TENM2: variants seen among roughly 807,000 people sequenced by gnomAD.
TENM2 encodes teneurin-2.
TENM2 carries 52 observed loss-of-function variants against 245.2 expected under a neutral mutation model. The ratio of observed to expected loss-of-function variants is 0.21; its 90% confidence interval spans 0.17 to 0.27. The LOEUF is 0.27. TENM2 is among the 10% of genes least tolerant of loss of function. The pLI is 1.00. For synonymous variants in TENM2, 1,363 were observed against 1,438.9 expected (o/e 0.95, Z 1.19); for missense variants, 3,046 against 3,666.8 (o/e 0.83, Z 4.37).
intron 3 of TENM2, among the ~76,000 whole-genome samples, chr5:167,933,709 G>C (rs528398170): frequency 4.6e-5 from 7 of 151,844 alleles, no homozygotes; most frequent in African/African-American, 7.2e-5. Flanking sequence ...ACCAACTAGA[G>C]TGAGGAGCCA....
At position 167,977,198 on chromosome 5, in the gene TENM2, A is replaced by C. The variant is rs558829673; in HGVS notation, c.948-15746A>C. Among the ~76,000 whole-genome samples the C allele has an allele frequency of 1.7e-4, 26 of 152,266 alleles. No homozygotes were observed. The South Asian group carries it at 5.4e-3, about 32-fold the overall frequency. ...GGTGGAGGGTGGGAGAAGAGAGAGG[A>C]TCAGAAGAAAAAATTCCTATTGGGT... On this transcript the variant is annotated intron_variant, in intron 4 of 28. Coordinates refer to ENST00000518659, the Ensembl canonical transcript of TENM2.
the TENM2 span, among the ~76,000 whole-genome samples, chr5:167,036,378 T>C: frequency 6.6e-6 from 1 of 152,234 alleles, no homozygotes; most frequent in Non-Finnish European, 1.5e-5. Context: ...TTCTTGTTTA[T>C]TGTGCCTCAT....
chr5:167,325,846 G>T (rs973252360), intron 1 of TENM2, among the ~76,000 whole-genome samples: 2 of 152,308 alleles, frequency 1.3e-5, no homozygotes, highest in African/African-American at 2.4e-5. Context: ...ATAGTCTATA[G>T]TTGAGAGATC....
intron 2 of TENM2, among the ~76,000 whole-genome samples, chr5:167,426,273 C>T (rs990524269): frequency 6.6e-6 from 1 of 152,078 alleles, no homozygotes; most frequent in Non-Finnish European, 1.5e-5. Context: ...TTCAAATATG[C>T]GCACTTCTAT....
intron 2 of TENM2, among the ~76,000 whole-genome samples, chr5:167,730,575 T>C (rs1478557197): frequency 6.6e-6 from 1 of 152,168 alleles, no homozygotes; most frequent in Non-Finnish European, 1.5e-5. Context: ...TCCCTCCCAC[T>C]CTACTCCCCC....
intron 2 of TENM2, among the ~76,000 whole-genome samples, chr5:167,402,845 A>T (rs930753499): frequency 2.6e-5 from 4 of 152,186 alleles, no homozygotes; most frequent in African/African-American, 4.8e-5. Context: ...TGAGACATGC[A>T]GCCTTGTTGC....
intron 12 of TENM2, among the ~76,000 whole-genome samples, chr5:168,144,501 G>C (rs1293193469): frequency 6.6e-6 from 1 of 151,890 alleles, no homozygotes; most frequent in Non-Finnish European, 1.5e-5. Flanking sequence ...CCCTACAAAG[G>C]ACATGAACTC....
At chr5:167,720,398 G>A (rs1161376224) in intron 2 of TENM2, among the ~76,000 whole-genome samples, 2 of 152,288 alleles carry the variant, frequency 1.3e-5, no homozygotes, top group East Asian at 1.9e-4. Context: ...TGAAACCAAC[G>A]GATGTTCCAG....
At chr5:167,762,141 T>C (rs1345783211) in intron 2 of TENM2, among the ~76,000 whole-genome samples, 1 of 152,112 alleles carries the variant, frequency 6.6e-6, no homozygotes, top group Non-Finnish European at 1.5e-5. Context: ...CTCTCCTCTC[T>C]CTCTCTCTCA....
chr5:166,997,123 A>G, the TENM2 span, among the ~76,000 whole-genome samples: 4 of 152,348 alleles, frequency 2.6e-5, no homozygotes, highest in African/African-American at 9.6e-5. Context: ...AGCCACACCC[A>G]GGGCTGGGAT....
intron 2 of TENM2, chr5:167,755,003 T>C (rs1215804180): frequency 1.3e-6 from 2 of 1,573,082 alleles, no homozygotes; most frequent in African/African-American, 2.7e-5. Context: ...GATTTTTCTG[T>C]AGTTAGAGGG....
chr5:167,824,211 A>G (rs1767772578), intron 2 of TENM2, among the ~76,000 whole-genome samples: 1 of 152,144 alleles, frequency 6.6e-6, no homozygotes, highest in African/African-American at 2.4e-5. Context: ...GCCTCTTTTA[A>G]TCCCTGCCTA....
chr5:167,199,661 G>A, the TENM2 span, among the ~76,000 whole-genome samples: 7,242 of 151,966 alleles, frequency 0.048, 248 homozygotes, highest in Non-Finnish European at 0.069. Context: ...CCTTCCCTTC[G>A]CCTCACATTT....
chr5:167,136,355 C>A, the TENM2 span, among the ~76,000 whole-genome samples: 1 of 152,082 alleles, frequency 6.6e-6, no homozygotes, highest in Admixed American at 6.5e-5. Flanking sequence ...TGAGTCTCTC[C>A]CAGGCATTGA....
intron 2 of TENM2, among the ~76,000 whole-genome samples, chr5:167,657,079 T>C (rs1222748020): frequency 6.6e-6 from 1 of 152,162 alleles, no homozygotes; most frequent in Admixed American, 6.5e-5. Flanking sequence ...ATAGCTGTTA[T>C]TTTGTGTCCT....
intron 27 of TENM2, among the ~76,000 whole-genome samples, chr5:168,258,406 C>CAAGG (rs541471690): frequency 8.0e-4 from 121 of 152,020 alleles, no homozygotes; most frequent in African/African-American, 2.8e-3. Context: ...GAGGCTGAGG[C>CAAGG]AAGGGAATCA....
intron 12 of TENM2, among the ~76,000 whole-genome samples, chr5:168,156,364 T>C (rs1215979858): frequency 6.6e-6 from 1 of 151,672 alleles, no homozygotes; most frequent in Non-Finnish European, 1.5e-5. Flanking sequence ...TGGCTTTCAC[T>C]GTCATCTGTC....
rs761730767 is a variant in TENM2 at position 168,124,826 on chromosome 5, G to T, written c.2009-24G>T. On this transcript the variant is annotated intron_variant, in intron 10 of 28. Transcript: ENST00000518659. ...TGGGTGATTAATACTTTTATTCTTT[G>T]GTTTTTGTTTTTGTTTTTTTCAGTT... The T allele has an allele frequency of 1.5e-5, 23 of 1,583,852 alleles. No homozygotes were observed. The African/African-American group carries it at 1.5e-4, about 10-fold the overall frequency.
the TENM2 span, among the ~76,000 whole-genome samples, chr5:167,265,331 CAAAAAAAAAAAAAAA>C: frequency 2.5e-5 from 1 of 39,396 alleles, no homozygotes. Flanking sequence ...GACTCTGTCT[CAAAAAAAAAAAAAAA>C]AAAAAAAAAA....
Sources: allele counts gnomAD v4.1 joint callset (sites outside exome capture counted in the v4.1 genomes callset), GRCh38; gene constraint gnomAD v4.1.1; transcripts MANE v1.5; gene names NCBI Gene and HGNC (gene_info 2026-07-23, HGNC 2026-07-21).